SLC25A15: variants seen among roughly 807,000 people sequenced by gnomAD.
The protein encoded by SLC25A15 is mitochondrial ornithine transporter 1.
In SLC25A15, 24 loss-of-function variants were observed where a neutral mutation model predicts 32.3. That is an observed-to-expected ratio of 0.74 (90% CI 0.54 to 1.04). The LOEUF (loss-of-function observed/expected upper bound fraction) is 1.04. Among genes scored for constraint, SLC25A15 ranks in the 50% least tolerant of loss-of-function variants. The pLI, the probability that SLC25A15 is intolerant of heterozygous loss-of-function variation, is 0.00. For missense variants in SLC25A15, 317 were observed against 374.5 expected (o/e 0.85, Z 1.27); for synonymous variants, 132 against 142.1 (o/e 0.93, Z 0.51).
chr13:40,808,317 A>G (rs1882280683), intron 5 of SLC25A15, 121 bp from the exon 6 acceptor site: 2 of 869,184 alleles, frequency 2.3e-6, no homozygotes, highest in South Asian at 1.3e-5. Context: ...AAAGAATTGT[A>G]TTCTGTAGCA....
chr13:40,808,483 T>C lies in SLC25A15; in HGVS notation c.668T>C (p.Leu223Pro). The change falls in exon 6 of 7, where the codon CTC becomes CCC. Residue 223 changes from leucine to proline, a missense_variant. Transcript: ENST00000338625. The part of the protein sequence containing the change: ...MLSGGVGGIC[L>P]WLAVYPVDCI... ...AGTGGTGGAGTTGGTGGGATTTGCC[T>C]CTGGCTTGCGGTATACCCAGTGGAT... 6.2e-7 allele frequency: 1 copy of C among 1,613,734 alleles called. No homozygotes were observed. The highest frequency in any genetic ancestry group is 8.5e-7 in the Non-Finnish European group (1 of 1,179,950).
At chr13:40,793,357 A>G in intron 2 of SLC25A15, 76 bp downstream of exon 2, 3 of 1,244,144 alleles carry the variant, frequency 2.4e-6, no homozygotes, top group Non-Finnish European at 3.5e-6. Context: ...ATGAGATTAT[A>G]CTACCATATT....
At chr13:40,794,331 ACT>A (rs763037121) in intron 2 of SLC25A15, among the ~76,000 whole-genome samples, 4 of 149,554 alleles carry the variant, frequency 2.7e-5, no homozygotes, top group Non-Finnish European at 5.9e-5. Flanking sequence ...CAACAGTGAA[ACT>A]CTGTCTCAAA....
At chr13:40,799,910 A>G (rs558905265) in intron 3 of SLC25A15, among the ~76,000 whole-genome samples, 1 of 152,352 alleles carries the variant, frequency 6.6e-6, no homozygotes, top group East Asian at 1.9e-4. Context: ...CGAAGATGCA[A>G]GGGAACCCAC....
intron 2 of SLC25A15, among the ~76,000 whole-genome samples, chr13:40,797,038 C>T (rs183132955): frequency 4.1e-4 from 62 of 152,062 alleles, no homozygotes; most frequent in African/African-American, 1.4e-3. Context: ...TGGACTTGAT[C>T]GATCTTTGAG....
At chr13:40,798,936 G>A in intron 2 of SLC25A15, 121 bp from the exon 3 acceptor site, 2 of 1,598,576 alleles carry the variant, frequency 1.3e-6, no homozygotes, top group South Asian at 2.2e-5. Flanking sequence ...AGGTTTTGGA[G>A]GAAAAGAGGT....
At chr13:40,804,289 C>T (rs1378772738) in intron 3 of SLC25A15, among the ~76,000 whole-genome samples, 1 of 152,146 alleles carries the variant, frequency 6.6e-6, no homozygotes, top group Admixed American at 6.5e-5. Flanking sequence ...CCAAAGGCCC[C>T]ATCTCCTAAC....
intron 2 of SLC25A15, among the ~76,000 whole-genome samples, chr13:40,795,727 C>T (rs1881649664): frequency 6.6e-6 from 1 of 152,162 alleles, no homozygotes; most frequent in African/African-American, 2.4e-5. Context: ...ACACAGAAAC[C>T]TCTGTTCTGC....
intron 3 of SLC25A15, among the ~76,000 whole-genome samples, chr13:40,800,579 G>C (rs569463815): frequency 9.7e-4 from 148 of 152,320 alleles, no homozygotes; most frequent in Non-Finnish European, 1.6e-3. Flanking sequence ...GAAACAGTAA[G>C]CAGCCACGTG....
intron 2 of SLC25A15, 77 bp downstream of exon 2, chr13:40,793,358 C>T: frequency 8.1e-7 from 1 of 1,239,828 alleles, no homozygotes; most frequent in South Asian, 1.3e-5. Context: ...TGAGATTATA[C>T]TACCATATTT....
At chr13:40,800,234 T>C (rs750509105) in intron 3 of SLC25A15, among the ~76,000 whole-genome samples, 1 of 152,106 alleles carries the variant, frequency 6.6e-6, no homozygotes, top group East Asian at 1.9e-4. Context: ...TGTGCCCTTT[T>C]ATAGACAGGA....
At chr13:40,801,740 C>T (rs977447295) in intron 3 of SLC25A15, among the ~76,000 whole-genome samples, 3 of 152,186 alleles carry the variant, frequency 2.0e-5, no homozygotes, top group African/African-American at 7.2e-5. Context: ...TCTAGTTTGA[C>T]GTTTGGCTGG....
At chr13:40,801,770 G>A (rs1881901206) in intron 3 of SLC25A15, among the ~76,000 whole-genome samples, 1 of 152,182 alleles carries the variant, frequency 6.6e-6, no homozygotes. Context: ...TACATAGCAG[G>A]AGTGCTCAGG....
chr13:40,807,354 T>C lies in SLC25A15; in HGVS notation c.513T>C (p.His171=), dbSNP rs200321784. The change falls in exon 5 of 7, where the codon CAT becomes CAC. Residue 171 remains histidine (H), a synonymous_variant. Transcript: ENST00000338625. ...LRKDGPLGFY[H]GLSSTLLREV... is the part of the protein sequence containing the mutation. ...AAGATGGCCCCTTGGGGTTCTACCA[T>C]GGACTCTCAAGCACTTTACTTCGAG... The C allele has an allele frequency of 5.3e-5, 86 of 1,614,100 alleles. No individual in the cohort carries two copies. Among genetic ancestry groups the C allele is most frequent in the Middle Eastern group, 3.3e-4 (2 of 6,062 alleles).
In SLC25A15 at chr13:40,807,377, G is replaced by A. The variant is rs1172814707; in HGVS notation, c.536G>A (p.Arg179Gln). Residue 179 changes from arginine to glutamine, a missense_variant, in exon 5 of 7, where the codon CGA (arginine) becomes CAA (glutamine). By Grantham distance (43) the Arg-to-Gln change is conservative. Transcript: ENST00000338625. ...CATGGACTCTCAAGCACTTTACTTC[G>A]AGAAGTACCAGGCTATTTCTTCTTC... ...FYHGLSSTLL[R>Q]EVPGYFFFFG... is the part of the protein sequence containing the mutation. 5.6e-6 allele frequency: 9 copies of A among 1,613,928 alleles called. No individual in the cohort carries two copies. Among genetic ancestry groups the A allele is most frequent in the Middle Eastern group, 1.6e-4 (1 of 6,084 alleles).
intron 1 of SLC25A15, among the ~76,000 whole-genome samples, chr13:40,791,997 A>C (rs1392635052): frequency 6.6e-6 from 1 of 152,214 alleles, no homozygotes; most frequent in East Asian, 1.9e-4. Flanking sequence ...ACGGCTCCTC[A>C]GTGTGATGAG....
At chr13:40,790,222 T>A (rs1241282556) in intron 1 of SLC25A15, among the ~76,000 whole-genome samples, 6 of 152,182 alleles carry the variant, frequency 3.9e-5, no homozygotes, top group Admixed American at 2.6e-4. Flanking sequence ...CCGCAGCAGT[T>A]CGTGTTCCCT....
In SLC25A15 at chr13:40,811,421, A is replaced by G. The variant is rs1882445253; in HGVS notation, c.*1754A>G. On this transcript the variant is annotated 3_prime_UTR_variant, in exon 7 of 7. Coordinates refer to ENST00000338625, the MANE Select transcript of SLC25A15 (RefSeq NM_014252.4). Reference sequence around the variant, plus strand: ...GGAGAATCGCTTGAACCCGGGAGGCAGAGGTTGCAGTGAACTGAGATTGTG... The same window carrying G: ...GGAGAATCGCTTGAACCCGGGAGGCGGAGGTTGCAGTGAACTGAGATTGTG... 6.6e-6 allele frequency among the ~76,000 whole-genome samples: 1 copy of G among 152,102 alleles called. No individual in the cohort carries two copies. The highest frequency in any genetic ancestry group is 2.4e-5 in the African/African-American group (1 of 41,418).
chr13:40,799,004 T>C (rs770041563), intron 2 of SLC25A15, 53 bp from the exon 3 acceptor site: 12 of 1,613,908 alleles, frequency 7.4e-6, no homozygotes, highest in Non-Finnish European at 1.0e-5. Flanking sequence ...CTTCCTTCCA[T>C]GGATAATGGA....
Sources: allele counts gnomAD v4.1 joint callset (sites outside exome capture counted in the v4.1 genomes callset), GRCh38; gene constraint gnomAD v4.1.1; transcripts MANE v1.5; gene names NCBI Gene and HGNC (gene_info 2026-07-23, HGNC 2026-07-21).